TSHZ2: variants seen among roughly 807,000 people sequenced by gnomAD.
The protein encoded by TSHZ2 is teashirt zinc finger homeobox 2.
A neutral mutation model predicts 74.4 loss-of-function variants in TSHZ2; 21 were observed. The observed-to-expected ratio is 0.28, with a 90% CI of 0.20 to 0.41. The LOEUF (loss-of-function observed/expected upper bound fraction) is 0.41. TSHZ2 is among the 10% of genes least tolerant of loss of function. TSHZ2 has a pLI of 1.00. For missense variants in TSHZ2, 1,244 were observed against 1,293.5 expected (o/e 0.96, Z 0.59); for synonymous variants, 540 against 515.3 (o/e 1.05, Z -0.65).
intron 2 of TSHZ2, among the ~76,000 whole-genome samples, chr20:53,290,274 T>G (rs1324483474): frequency 6.6e-6 from 1 of 150,994 alleles, no homozygotes; most frequent in Non-Finnish European, 1.5e-5. Flanking sequence ...CTATATGCAC[T>G]GCAATTTGTG....
intron 2 of TSHZ2, among the ~76,000 whole-genome samples, chr20:53,406,516 AG>A (rs1217800818): frequency 2.6e-5 from 4 of 152,160 alleles, no homozygotes; most frequent in African/African-American, 9.7e-5. Context: ...TACCTGTGCC[AG>A]GACACAGGTA....
chr20:53,340,419 CG>C (rs1319417261), intron 2 of TSHZ2, among the ~76,000 whole-genome samples: 1 of 151,978 alleles, frequency 6.6e-6, no homozygotes, highest in Non-Finnish European at 1.5e-5. Context: ...CTCCTGACCT[CG>C]TGATCCGCCT....
intron 1 of TSHZ2, among the ~76,000 whole-genome samples, chr20:53,204,463 G>C (rs886142176): frequency 1.3e-5 from 2 of 150,220 alleles, no homozygotes; most frequent in Non-Finnish European, 3.0e-5. Context: ...GACATACTAG[G>C]TTAAATAAGA....
At chr20:53,446,990 C>CTTACACATTT (rs112212300) in intron 2 of TSHZ2, among the ~76,000 whole-genome samples, 11,409 of 152,178 alleles carry the variant, frequency 0.075, 534 homozygotes, top group South Asian at 0.23. Context: ...CTAGTGGAAA[C>CTTACACATTT]TTACACATTT....
intron 1 of TSHZ2, among the ~76,000 whole-genome samples, chr20:53,040,612 G>A (rs1260021356): frequency 6.7e-6 from 1 of 150,030 alleles, no homozygotes; most frequent in South Asian, 2.1e-4. Context: ...GTTCTTCCCT[G>A]TGCATTTTAT....
chr20:53,194,314 G>A (rs994887761), intron 1 of TSHZ2, among the ~76,000 whole-genome samples: 1 of 152,182 alleles, frequency 6.6e-6, no homozygotes, highest in Non-Finnish European at 1.5e-5. Flanking sequence ...AGCCTCCCAC[G>A]AGGTAGGATC....
intron 1 of TSHZ2, among the ~76,000 whole-genome samples, chr20:53,174,882 G>T (rs1277284593): frequency 1.3e-5 from 2 of 152,104 alleles, no homozygotes; most frequent in African/African-American, 4.8e-5. Flanking sequence ...AGGAGGAAAT[G>T]GATCAAGAGC....
intron 1 of TSHZ2, among the ~76,000 whole-genome samples, chr20:52,980,539 CT>C (rs1344406564): frequency 7.2e-5 from 11 of 152,292 alleles, no homozygotes; most frequent in African/African-American, 1.9e-4. Context: ...AAAATCACCC[CT>C]GAGCTTTCTT....
At position 53,139,808 on chromosome 20, in the gene TSHZ2, C is replaced by T. The variant is rs151211482; in HGVS notation, c.41-113691C>T. Among the ~76,000 whole-genome samples the T allele has an allele frequency of 2.7e-3, 415 of 152,286 alleles. 2 individuals are homozygous for T. Among genetic ancestry groups the T allele is most frequent in the African/African-American group, 9.1e-3 (377 of 41,574 alleles). The stretch of plus-strand genomic sequence containing the variant: ...TTTTATGTCCAGTCCTGAATCCATT[C>T]GACTGTTTATTAGGATTCACACTAA... On this transcript the variant is annotated intron_variant, in intron 1 of 2. Coordinates refer to ENST00000371497, the MANE Select transcript of TSHZ2 (RefSeq NM_173485.6).
chr20:53,344,199 ACCC>A (rs1980342342), intron 2 of TSHZ2, among the ~76,000 whole-genome samples: 1 of 60,888 alleles, frequency 1.6e-5, no homozygotes, highest in Non-Finnish European at 3.2e-5. Flanking sequence ...TACTACCATC[ACCC>A]TCCTCCTCCT....
intron 1 of TSHZ2, among the ~76,000 whole-genome samples, chr20:53,241,167 G>C (rs1325203153): frequency 1.3e-5 from 2 of 152,160 alleles, no homozygotes; most frequent in African/African-American, 4.8e-5. Flanking sequence ...AAGTCGAAGG[G>C]TCAAAAAACC....
intron 1 of TSHZ2, among the ~76,000 whole-genome samples, chr20:52,997,817 A>C (rs1982262701): frequency 6.6e-6 from 1 of 152,226 alleles, no homozygotes; most frequent in African/African-American, 2.4e-5. Flanking sequence ...AAGTGGGTTC[A>C]TAAAATCCAG....
intron 2 of TSHZ2, among the ~76,000 whole-genome samples, chr20:53,331,640 G>A (rs773298980): frequency 1.3e-4 from 20 of 152,124 alleles, no homozygotes; most frequent in Non-Finnish European, 2.6e-4. Flanking sequence ...ATGGCTCAAC[G>A]GAAGTCAGTC....
chr20:53,417,278 A>C (rs1267089828), intron 2 of TSHZ2, among the ~76,000 whole-genome samples: 15 of 125,728 alleles, frequency 1.2e-4, no homozygotes, highest in South Asian at 5.4e-4. Context: ...ACACACACAC[A>C]CCATAGTTTT....
At chr20:53,327,535 C>A (rs1979545701) in intron 2 of TSHZ2, among the ~76,000 whole-genome samples, 1 of 152,180 alleles carries the variant, frequency 6.6e-6, no homozygotes, top group Non-Finnish European at 1.5e-5. Flanking sequence ...ACCTACAGTG[C>A]TTCCTGGAAG....
chr20:53,132,981 T>G (rs527625236), intron 1 of TSHZ2, among the ~76,000 whole-genome samples: 1 of 152,312 alleles, frequency 6.6e-6, no homozygotes, highest in Non-Finnish European at 1.5e-5. Context: ...ATATCTCTTT[T>G]CTCTTTCTCA....
intron 2 of TSHZ2, among the ~76,000 whole-genome samples, chr20:53,347,090 A>G (rs2145579472): frequency 6.6e-6 from 1 of 152,354 alleles, no homozygotes; most frequent in South Asian, 2.1e-4. Flanking sequence ...TACCTTATAC[A>G]AAAGTGGCTG....
chr20:53,190,334 A>G (rs935676119), intron 1 of TSHZ2, among the ~76,000 whole-genome samples: 8 of 151,206 alleles, frequency 5.3e-5, no homozygotes, highest in Non-Finnish European at 1.2e-4. Context: ...ATAATGTCCC[A>G]CTTGAACCAC....
intron 2 of TSHZ2, among the ~76,000 whole-genome samples, chr20:53,409,886 G>A (rs916489433): frequency 3.6e-5 from 4 of 109,836 alleles, no homozygotes; most frequent in South Asian, 6.4e-4. Flanking sequence ...TTGTTCCGTC[G>A]CCCAGACTGG....
Sources: allele counts gnomAD v4.1 joint callset (sites outside exome capture counted in the v4.1 genomes callset), GRCh38; gene constraint gnomAD v4.1.1; transcripts MANE v1.5; gene names NCBI Gene and HGNC (gene_info 2026-07-23, HGNC 2026-07-21).